The following SHANK2 variants were observed in gnomAD, a reference collection of about 807,000 sequenced individuals.
The protein encoded by SHANK2 is SH3 and multiple ankyrin repeat domains protein 2.
Under a neutral mutation model 133.7 loss-of-function variants are expected in SHANK2, and 43 were observed. The ratio of observed to expected loss-of-function variants is 0.32; its 90% CI spans 0.25 to 0.41. The LOEUF (loss-of-function observed/expected upper bound fraction) is 0.41, where lower values mean the gene tolerates loss of function less well. Among genes scored for constraint, SHANK2 ranks in the 10% least tolerant of loss-of-function variants. The probability of loss-of-function intolerance (pLI) is 1.00; values close to 1 mark genes in which losing one functional copy is unlikely to be tolerated. For synonymous variants in SHANK2, 1,017 were observed against 952.8 expected (o/e 1.07, Z -1.24); for missense variants, 1,994 against 2,235.8 (o/e 0.89, Z 2.18).
In SHANK2 at chr11:70,543,568, G is replaced by A. The variant is rs145224961; in HGVS notation, c.2062-40637C>T. Among the ~76,000 whole-genome samples, 302 of 152,292 alleles carry A rather than the reference G, an allele frequency of 2.0e-3. 3 individuals are homozygous for A. Among genetic ancestry groups the A allele is most frequent in the African/African-American group, 6.8e-3 (283 of 41,550 alleles). On this transcript the variant is annotated intron_variant, in intron 17 of 25. Transcript: ENST00000601538. ...CACGTGGAGGTTCCTTGGGGGTGGC[G>A]TGCCTGGGCAGGGCATCAAAGCTGC...
intron 21 of SHANK2, among the ~76,000 whole-genome samples, chr11:70,496,113 A>G (rs1591502823): frequency 6.6e-6 from 1 of 152,222 alleles, no homozygotes; most frequent in South Asian, 2.1e-4. Context: ...GAGGCCCTGC[A>G]GGGGAAGGCC....
intron 14 of SHANK2, among the ~76,000 whole-genome samples, chr11:70,784,753 G>T (rs1027193551): frequency 1.3e-5 from 2 of 152,122 alleles, no homozygotes; most frequent in Non-Finnish European, 2.9e-5. Flanking sequence ...GCTGGGTGGG[G>T]AAGTCAGGAC....
intron 17 of SHANK2, among the ~76,000 whole-genome samples, chr11:70,509,664 C>T (rs1051290705): frequency 6.6e-6 from 1 of 152,212 alleles, no homozygotes; most frequent in South Asian, 2.1e-4. Flanking sequence ...TATGTCCCCC[C>T]AGTCTATGTG....
chr11:70,513,343 A>G (rs1410874115), intron 17 of SHANK2, among the ~76,000 whole-genome samples: 1 of 152,148 alleles, frequency 6.6e-6, no homozygotes, highest in Non-Finnish European at 1.5e-5. Flanking sequence ...TTGATGTCTG[A>G]GCTGAGCTGT....
chr11:70,893,397 G>C (rs1016073863), intron 11 of SHANK2, among the ~76,000 whole-genome samples: 2 of 152,222 alleles, frequency 1.3e-5, no homozygotes, highest in African/African-American at 4.8e-5. Context: ...ACAGGGGAGG[G>C]GGAGAAGCAA....
intron 2 of SHANK2, among the ~76,000 whole-genome samples, chr11:71,150,032 A>G (rs376991534): frequency 9.2e-3 from 8 of 870 alleles, no homozygotes; most frequent in Non-Finnish European, 0.016. Flanking sequence ...GGGAGAGGAA[A>G]GGAGGGAGGG....
At chr11:70,715,171 A>G (rs1945883041) in intron 14 of SHANK2, among the ~76,000 whole-genome samples, 1 of 152,160 alleles carries the variant, frequency 6.6e-6, no homozygotes, top group Admixed American at 6.5e-5. Context: ...AATATTTTTT[A>G]CAATGCTACA....
At chr11:70,730,260 A>G (rs1446752678) in intron 14 of SHANK2, among the ~76,000 whole-genome samples, 1 of 152,076 alleles carries the variant, frequency 6.6e-6, no homozygotes, top group Non-Finnish European at 1.5e-5. Context: ...CATTGGTTCA[A>G]CGAACACCTA....
At chr11:71,200,464 C>T (rs1953996641) in intron 2 of SHANK2, among the ~76,000 whole-genome samples, 1 of 152,180 alleles carries the variant, frequency 6.6e-6, no homozygotes, top group Non-Finnish European at 1.5e-5. Flanking sequence ...TTCCATTTCT[C>T]TTGGGGACAC....
intron 2 of SHANK2, among the ~76,000 whole-genome samples, chr11:71,206,223 GCA>G (rs1591019212): frequency 6.6e-6 from 1 of 152,146 alleles, no homozygotes; most frequent in East Asian, 1.9e-4. Context: ...CTCCGGACAG[GCA>G]CACACACAGA....
At chr11:70,600,584 G>T (rs1373300276) in intron 17 of SHANK2, among the ~76,000 whole-genome samples, 1 of 152,156 alleles carries the variant, frequency 6.6e-6, no homozygotes, top group Non-Finnish European at 1.5e-5. Flanking sequence ...AGGTAATGAA[G>T]GTGGTGCTCA....
At chr11:71,122,607 T>C (rs1280381875) in intron 3 of SHANK2, among the ~76,000 whole-genome samples, 1 of 152,096 alleles carries the variant, frequency 6.6e-6, no homozygotes, top group African/African-American at 2.4e-5. Flanking sequence ...GTAACAAACC[T>C]GCACATTGTG....
chr11:70,923,327 C>T (rs1555081006), intron 10 of SHANK2, among the ~76,000 whole-genome samples: 2 of 152,192 alleles, frequency 1.3e-5, no homozygotes, highest in African/African-American at 4.8e-5. Flanking sequence ...ACCGCAACCT[C>T]CGCCTCCTGG....
chr11:70,810,557 C>T (rs12292480), intron 12 of SHANK2, among the ~76,000 whole-genome samples: 13 of 152,228 alleles, frequency 8.5e-5, no homozygotes, highest in African/African-American at 2.9e-4. Context: ...ACATCTGCCC[C>T]GAGTGATGAA....
intron 11 of SHANK2, 57 bp from the exon 12 acceptor site, chr11:70,820,739 G>C (rs1168500920): frequency 2.6e-5 from 16 of 614,944 alleles, no homozygotes; most frequent in Non-Finnish European, 4.7e-5. Flanking sequence ...TGGTCAGCTG[G>C]GTGGGGACCC....
chr11:70,608,752 A>G (rs1249834603), intron 17 of SHANK2, among the ~76,000 whole-genome samples: 3 of 152,224 alleles, frequency 2.0e-5, no homozygotes, highest in East Asian at 3.8e-4. Flanking sequence ...AGCTCGTGCT[A>G]TTTAGTCTCA....
At chr11:71,138,203 A>T (rs1952485898) in intron 3 of SHANK2, among the ~76,000 whole-genome samples, 1 of 151,062 alleles carries the variant, frequency 6.6e-6, no homozygotes, top group Non-Finnish European at 1.5e-5. Context: ...CACAGCTTCT[A>T]ACGGTAACTA....
At chr11:71,119,246 G>A (rs73521175) in intron 3 of SHANK2, among the ~76,000 whole-genome samples, 7,465 of 152,178 alleles carry the variant, frequency 0.049, 558 homozygotes, top group African/African-American at 0.17. Flanking sequence ...AGGAAAGACC[G>A]AGGCATTGGT....
chr11:70,567,764 G>A (rs1554982181), intron 17 of SHANK2, among the ~76,000 whole-genome samples: 1 of 152,174 alleles, frequency 6.6e-6, no homozygotes, highest in East Asian at 1.9e-4. Flanking sequence ...CCTTGATCTT[G>A]GACTTCTGGA....
Sources: allele counts gnomAD v4.1 joint callset (sites outside exome capture counted in the v4.1 genomes callset), GRCh38; gene constraint gnomAD v4.1.1; transcripts MANE v1.5; gene names NCBI Gene and HGNC (gene_info 2026-07-23, HGNC 2026-07-21).